TBC1D19: variants seen among roughly 807,000 people sequenced by gnomAD.
TBC1D19 encodes the protein TBC1 domain family, member 19.
Under a neutral mutation model 89.0 loss-of-function variants are expected in TBC1D19, and 60 were observed. The ratio of observed to expected loss-of-function variants is 0.67; its 90% CI spans 0.55 to 0.84. TBC1D19 has a LOEUF of 0.84. Among genes scored for constraint, TBC1D19 ranks in the 40% least tolerant of loss-of-function variants. The pLI is 0.00. For synonymous variants in TBC1D19, 189 were observed against 199.7 expected, an observed-to-expected ratio of 0.95 and a Z score of 0.45; for missense variants, 500 against 610.8, an observed-to-expected ratio of 0.82 and a Z score of 1.91.
In TBC1D19 at chr4:26,672,778, T is replaced by G. The variant is rs184623139; in HGVS notation, c.703+591T>G. Among the ~76,000 whole-genome samples, 8 of 152,152 alleles carry G rather than the reference T, an allele frequency of 5.3e-5. No homozygotes were observed. In the East Asian group the frequency reaches 1.5e-3, roughly 29 times the overall value. On this transcript the variant is annotated intron_variant, in intron 10 of 20. Coordinates refer to ENST00000264866, the MANE Select transcript of TBC1D19 (RefSeq NM_018317.4). ...ACCTTCTATGGCAATTATATTGTCA[T>G]GTACCAAATCCCTACTTCAATTTTT...
At position 26,620,667 on chromosome 4, in the gene TBC1D19, G is replaced by T; in HGVS notation, c.273G>T (p.Leu91Phe). 6.2e-7 allele frequency: 1 copy of T among 1,613,362 alleles called. No individual in the cohort carries two copies. Among genetic ancestry groups the T allele is most frequent in the Non-Finnish European group, 8.5e-7 (1 of 1,179,702 alleles). Residue 91 changes from leucine to phenylalanine, a missense_variant, in exon 4 of 21, where the codon TTG becomes TTT. By Grantham distance (22) the Leu-to-Phe change is conservative (BLOSUM62 0). Coordinates refer to ENST00000264866, the MANE Select transcript of TBC1D19 (RefSeq NM_018317.4). The stretch of plus-strand genomic sequence containing the variant: ...CTCCTGAACATCTTAAAGAACCTTT[G>T]GTATACATGAGGAAAGCACAGGTTG... ...AAPPEHLKEPLVYMRKAQGSW... is the reference protein window; with the variant it reads ...AAPPEHLKEPFVYMRKAQGSW...
At chr4:26,838,209 C>T in the TBC1D19 span, among the ~76,000 whole-genome samples, 1 of 152,284 alleles carries the variant, frequency 6.6e-6, no homozygotes, top group Non-Finnish European at 1.5e-5. Context: ...ATACCACCTG[C>T]ATCTGAGTGT....
At chr4:26,646,037 G>T (rs1186337606) in intron 7 of TBC1D19, among the ~76,000 whole-genome samples, 5 of 150,672 alleles carry the variant, frequency 3.3e-5, no homozygotes, top group African/African-American at 1.2e-4. Flanking sequence ...GCAGGAGAAT[G>T]GCGTGACCCC....
intron 1 of TBC1D19, among the ~76,000 whole-genome samples, chr4:26,585,451 G>A (rs1739352592): frequency 6.6e-6 from 1 of 150,982 alleles, no homozygotes; most frequent in Admixed American, 6.6e-5. Context: ...TTTTTGGTGA[G>A]GTAGTCTTCA....
intron 1 of TBC1D19, among the ~76,000 whole-genome samples, chr4:26,598,535 C>CA (rs1220587298): frequency 6.6e-6 from 1 of 152,218 alleles, no homozygotes; most frequent in African/African-American, 2.4e-5. Flanking sequence ...GCTGGGACTA[C>CA]AGGCGCCCGC....
intron 18 of TBC1D19, among the ~76,000 whole-genome samples, chr4:26,746,408 T>C (rs1005640534): frequency 4.0e-5 from 6 of 149,842 alleles, no homozygotes; most frequent in East Asian, 2.0e-4. Context: ...TTGTGTAGAT[T>C]GGACATTTTC....
At chr4:26,779,599 T>G in the TBC1D19 span, among the ~76,000 whole-genome samples, 1 of 152,210 alleles carries the variant, frequency 6.6e-6, no homozygotes, top group Non-Finnish European at 1.5e-5. Flanking sequence ...GTCTGCTGTG[T>G]GCTTACTTGG....
At chr4:26,838,548 C>G in the TBC1D19 span, among the ~76,000 whole-genome samples, 1 of 152,164 alleles carries the variant, frequency 6.6e-6, no homozygotes, top group Non-Finnish European at 1.5e-5. Flanking sequence ...GTCATAAAAT[C>G]ACACCAACAC....
chr4:26,732,314 C>T (rs1004412173), intron 15 of TBC1D19, among the ~76,000 whole-genome samples: 2 of 152,150 alleles, frequency 1.3e-5, no homozygotes, highest in African/African-American at 4.8e-5. Flanking sequence ...TGATTCTCAC[C>T]TCCACAGCTT....
intron 19 of TBC1D19, 41 bp from the exon 20 acceptor site, chr4:26,753,779 T>C (rs1190348625): frequency 1.9e-6 from 3 of 1,612,194 alleles, no homozygotes; most frequent in Non-Finnish European, 1.7e-6. Context: ...GCCGGGCTGA[T>C]GAGTAGGCCA....
chr4:26,649,506 T>A (rs1744187516), intron 7 of TBC1D19, among the ~76,000 whole-genome samples: 1 of 152,174 alleles, frequency 6.6e-6, no homozygotes, highest in Admixed American at 6.6e-5. Flanking sequence ...TGCCCATTTG[T>A]AGTCACCCTT....
At chr4:26,637,790 C>T (rs542890182) in intron 5 of TBC1D19, among the ~76,000 whole-genome samples, 9 of 152,282 alleles carry the variant, frequency 5.9e-5, no homozygotes, top group Non-Finnish European at 1.2e-4. Flanking sequence ...ATTATTATAA[C>T]AAACCTGTAT....
At chr4:26,736,805 C>T (rs1268127778) in intron 16 of TBC1D19, among the ~76,000 whole-genome samples, 1 of 152,158 alleles carries the variant, frequency 6.6e-6, no homozygotes, top group East Asian at 1.9e-4. Flanking sequence ...ATTCAGTCAC[C>T]TGAGATACAC....
intron 13 of TBC1D19, among the ~76,000 whole-genome samples, chr4:26,690,713 A>C (rs1211843123): frequency 1.3e-5 from 2 of 152,216 alleles, no homozygotes; most frequent in African/African-American, 4.8e-5. Context: ...TCAGAAAAAA[A>C]CATTCATTTC....
chr4:26,640,610 C>T (rs912367355), intron 7 of TBC1D19, among the ~76,000 whole-genome samples: 2 of 152,152 alleles, frequency 1.3e-5, no homozygotes, highest in Admixed American at 6.5e-5. Flanking sequence ...GGCATTGCCT[C>T]ACCTGGGAAG....
chr4:26,816,280 G>A, the TBC1D19 span, among the ~76,000 whole-genome samples: 6 of 151,916 alleles, frequency 3.9e-5, no homozygotes, highest in East Asian at 1.9e-4. Context: ...ACATTACACC[G>A]CAATTATCTG....
At chr4:26,748,555 C>A in intron 19 of TBC1D19, 29 bp downstream of exon 19, 1 of 1,477,876 alleles carries the variant, frequency 6.8e-7, no homozygotes, top group Non-Finnish European at 9.4e-7. Context: ...TTGTAGAACA[C>A]ATGCTGTTTC....
chr4:26,594,732 A>C (rs1034146335), intron 1 of TBC1D19, among the ~76,000 whole-genome samples: 1 of 152,152 alleles, frequency 6.6e-6, no homozygotes, highest in Admixed American at 6.5e-5. Context: ...TTCAGGGCTC[A>C]GTTCTTTGGA....
At chr4:26,631,855 ACTTT>A (rs1742826206) in intron 4 of TBC1D19, among the ~76,000 whole-genome samples, 2 of 152,096 alleles carry the variant, frequency 1.3e-5, no homozygotes, top group South Asian at 2.1e-4. Flanking sequence ...CATTGAGAAT[ACTTT>A]CTTATGATGT....
Sources: allele counts gnomAD v4.1 joint callset (sites outside exome capture counted in the v4.1 genomes callset), GRCh38; gene constraint gnomAD v4.1.1; transcripts MANE v1.5; gene names NCBI Gene and HGNC (gene_info 2026-07-23, HGNC 2026-07-21).